The following ARHGAP45 variants were observed in gnomAD, a reference collection of about 807,000 sequenced individuals.
The protein encoded by ARHGAP45 is Rho GTPase activating protein 45.
Under a neutral mutation model 116.1 loss-of-function variants are expected in ARHGAP45, and 56 were observed. That is an observed-to-expected ratio of 0.48 (90% confidence interval 0.39 to 0.60). The LOEUF (loss-of-function observed/expected upper bound fraction) is 0.60. ARHGAP45 is among the 20% of genes least tolerant of loss of function. The pLI, the probability that ARHGAP45 is intolerant of heterozygous loss-of-function variation, is 0.00. For missense variants in ARHGAP45, 1,622 were observed against 1,601.0 expected, an observed-to-expected ratio of 1.01 and a Z score of -0.22; for synonymous variants, 866 against 701.7, an observed-to-expected ratio of 1.23 and a Z score of -3.70.
Position 1,081,880 on chromosome 19 carries a change from C to T in ARHGAP45, c.2436C>T (p.Phe812=), listed in dbSNP as rs772881860. The stretch of plus-strand genomic sequence containing the variant: ...GCGTGGAGAAGCTGTGCCAGGCCTT[C>T]GAGAACGGCAAGGAGCTGGTCGAGC... The part of the protein sequence containing the change: ...KTRVEKLCQA[F]ENGKELVELS... The change falls in exon 19 of 23, where the codon TTC becomes TTT. Residue 812 remains phenylalanine, a synonymous_variant. Coordinates refer to ENST00000313093, the MANE Select transcript of ARHGAP45 (RefSeq NM_012292.5). 7 of 1,613,136 alleles carry T rather than the reference C, an allele frequency of 4.3e-6. No individual in the cohort carries two copies. Among genetic ancestry groups the T allele is most frequent in the South Asian group, 1.1e-5 (1 of 91,050 alleles).
intron 10 of ARHGAP45, 144 bp downstream of exon 10, chr19:1,075,023 G>A (rs2043214950): frequency 8.1e-6 from 4 of 494,472 alleles, no homozygotes; most frequent in African/African-American, 2.6e-5. Context: ...TCGCAGGCTG[G>A]GCCGCCCCCC....
In ARHGAP45 at chr19:1,071,306, G is replaced by T; in HGVS notation, c.422-1843G>T. 4 of 1,460,634 alleles carry T rather than the reference G, an allele frequency of 2.7e-6. No individual in the cohort carries two copies. The highest frequency in any genetic ancestry group is 3.6e-6 in the Non-Finnish European group (4 of 1,112,634). The allele number at this position is 1,460,634 out of a possible 1,614,324, so 90.5% of individuals were successfully genotyped here. ...GCTGCGCCATGTGTATCTGCGGGAC[G>T]GCGCACCCGGTGCTGGACGAGGGCC... On this transcript the variant is annotated intron_variant, in intron 2 of 22. Coordinates refer to ENST00000313093, the MANE Select transcript of ARHGAP45 (RefSeq NM_012292.5). This position sits in a 1 kb window ranked among gnomAD's most constrained non-coding sequence, Gnocchi z 4.6.
intron 10 of ARHGAP45, 104 bp downstream of exon 10, chr19:1,074,983 C>T (rs1599757788): frequency 1.0e-6 from 1 of 959,756 alleles, no homozygotes; most frequent in Non-Finnish European, 1.4e-6. Flanking sequence ...GAGCTCCGCA[C>T]ACGCCCCGGC....
intron 11 of ARHGAP45, among the ~76,000 whole-genome samples, chr19:1,079,044 G>C (rs1304081727): frequency 6.6e-6 from 1 of 151,992 alleles, no homozygotes; most frequent in Admixed American, 6.6e-5. Flanking sequence ...GCTGGGCGTA[G>C]TGGTGGGCGC....
chr19:1,077,490 T>C, intron 10 of ARHGAP45: 1 of 997,082 alleles, frequency 1.0e-6, no homozygotes, highest in African/African-American at 1.7e-5. Flanking sequence ...TGTTCGCGAT[T>C]CTAGTGCCTC....
intron 10 of ARHGAP45, among the ~76,000 whole-genome samples, chr19:1,075,662 G>A (rs886883438): frequency 3.3e-5 from 5 of 152,252 alleles, no homozygotes; most frequent in African/African-American, 1.2e-4. Context: ...CACCCAGGCT[G>A]GACTGCAGTG....
In ARHGAP45 at chr19:1,068,197, G is replaced by A. The variant is rs928250435; in HGVS notation, c.91-217G>A. ...AGGCCCCGCCCCGGCTGTGGTTTGG[G>A]CAAGGACCGTTGTTTGTGAAAGCTC... is the stretch of plus-strand genomic sequence containing the variant. On this transcript the variant is annotated intron_variant, in intron 1 of 22. Transcript: ENST00000313093. The surrounding 1 kb of genome is among the most constrained non-coding windows in gnomAD (Gnocchi z 7.5). 5 of 551,360 alleles carry A rather than the reference G, an allele frequency of 9.1e-6. No individual in the cohort carries two copies. Among genetic ancestry groups the A allele is most frequent in the African/African-American group, 7.9e-5 (4 of 50,396 alleles). The allele number at this position is 551,360 out of a possible 1,614,324, so 34.2% of individuals were successfully genotyped here. A position where few individuals can be genotyped will look rare whatever the true frequency, so the allele number is the denominator to read the frequency against.
chr19:1,067,513 G>C lies in ARHGAP45; in HGVS notation c.90+18G>C, dbSNP rs2043059681. 3 of 1,580,608 alleles carry C rather than the reference G, an allele frequency of 1.9e-6. No homozygotes were observed. The highest frequency in any genetic ancestry group is 2.6e-6 in the Non-Finnish European group (3 of 1,163,702). ...CCTCGGGGGTGAGTGGAGCCCGGGT[G>C]AGACCCGGAGCTGACGCCGGGCCGC... is the stretch of plus-strand genomic sequence containing the variant. On this transcript the variant is annotated intron_variant, in intron 1 of 22. Coordinates refer to ENST00000313093, the MANE Select transcript of ARHGAP45 (RefSeq NM_012292.5).
In ARHGAP45 at chr19:1,069,629, C is replaced by T. The variant is rs2043101739; in HGVS notation, c.421+885C>T. Reference sequence around the variant, plus strand: ...GGGCACTAGTTGGGGAAGGCCCGGTCCCCACTGGGAGGAGTGGGAGCCCCC... The same window carrying T: ...GGGCACTAGTTGGGGAAGGCCCGGTTCCCACTGGGAGGAGTGGGAGCCCCC... On this transcript the variant is annotated intron_variant, in intron 2 of 22. Coordinates refer to ENST00000313093, the MANE Select transcript of ARHGAP45 (RefSeq NM_012292.5). This position sits in a 1 kb window ranked among gnomAD's most constrained non-coding sequence, Gnocchi z 4.1. 6.6e-6 allele frequency among the ~76,000 whole-genome samples: 1 copy of T among 152,268 alleles called. No homozygotes were observed. The highest frequency in any genetic ancestry group is 1.9e-4 in the East Asian group (1 of 5,176).
Position 1,071,436 on chromosome 19 carries a change from T to C in ARHGAP45, c.422-1713T>C. 4 of 1,053,182 alleles carry C rather than the reference T, an allele frequency of 3.8e-6. No individual in the cohort carries two copies. Among genetic ancestry groups the C allele is most frequent in the Non-Finnish European group, 4.6e-6 (4 of 866,754 alleles). 65.2% of individuals were successfully genotyped at this position (1,053,182 alleles called of 1,614,324 possible). The stretch of plus-strand genomic sequence containing the variant: ...CGCTCGGGCCGTTTGCCGCCCGCGG[T>C]GGGGGAGCAGCGGCTGCCGCGCGCC... On this transcript the variant is annotated intron_variant, in intron 2 of 22. Transcript: ENST00000313093. The surrounding 1 kb of genome is among the most constrained non-coding windows in gnomAD (Gnocchi z 4.6).
intron 2 of ARHGAP45, among the ~76,000 whole-genome samples, chr19:1,072,640 G>GATAA (rs1197568146): frequency 6.6e-6 from 1 of 152,200 alleles, no homozygotes; most frequent in Non-Finnish European, 1.5e-5. Flanking sequence ...TTGCCCTGGA[G>GATAA]ATAAAGCCAG....
At chr19:1,077,660 A>G (rs2043289622) in intron 10 of ARHGAP45, 197 bp from the exon 11 acceptor site, 3 of 1,450,024 alleles carry the variant, frequency 2.1e-6, no homozygotes, top group East Asian at 2.5e-5. Context: ...TGCTGGGATT[A>G]CAGACGTGAG....
intron 17 of ARHGAP45, 135 bp downstream of exon 17, chr19:1,081,199 C>T (rs994518731): frequency 2.3e-5 from 24 of 1,027,478 alleles, no homozygotes; most frequent in South Asian, 1.8e-4. Context: ...AGGAAGCGAA[C>T]GGAGGGGGTG....
Position 1,083,296 on chromosome 19 carries a change from C to T in ARHGAP45, c.2898C>T (p.Leu966=), listed in dbSNP as rs1316073322. 8 of 1,582,312 alleles carry T rather than the reference C, an allele frequency of 5.1e-6. No individual in the cohort carries two copies. The highest frequency in any genetic ancestry group is 1.3e-5 in the African/African-American group (1 of 74,190). ...YPHQARVIET[L]IVHYGLVFEE... ...ATCAGGCCCGCGTCATCGAGACTCTCATCGTCCACTACGGCCTGGTCTTCG... is the reference window on the plus strand; with the variant it reads ...ATCAGGCCCGCGTCATCGAGACTCTTATCGTCCACTACGGCCTGGTCTTCG... Residue 966 remains leucine (L), a synonymous_variant, in exon 21 of 23, where the codon CTC becomes CTT. Transcript: ENST00000313093.
intron 8 of ARHGAP45, 89 bp from the exon 9 acceptor site, chr19:1,074,525 T>C: frequency 2.1e-6 from 3 of 1,407,136 alleles, no homozygotes; most frequent in Non-Finnish European, 2.9e-6. Context: ...CGGGGGTGGC[T>C]GCAGGGACCA....
chr19:1,082,023 C>G (rs961739894), intron 19 of ARHGAP45, 62 bp downstream of exon 19: 3 of 1,147,450 alleles, frequency 2.6e-6, no homozygotes, highest in South Asian at 3.4e-5. Flanking sequence ...CAGGAGGAGG[C>G]GGGGTGGGGG....
At chr19:1,073,411 C>A in intron 3 of ARHGAP45, 95 bp from the exon 4 acceptor site, 2 of 1,551,900 alleles carry the variant, frequency 1.3e-6, no homozygotes, top group African/African-American at 2.7e-5. Context: ...AAGCTCCCTC[C>A]TGTTCCCCCT....
intron 10 of ARHGAP45, among the ~76,000 whole-genome samples, 155 bp downstream of exon 10, chr19:1,075,034 CCA>C (rs756666733): frequency 1.4e-3 from 196 of 137,152 alleles, no homozygotes; most frequent in Middle Eastern, 4.2e-3. Context: ...GCCGCCCCCC[CCA>C]ACGCCAAGCC....
rs1041728864 is a variant in ARHGAP45, at chr19:1,081,052, T to G, written c.2178T>G (p.Ala726=). The change falls in exon 17 of 23, where the codon GCT becomes GCG. Residue 726 remains alanine, a synonymous_variant. Transcript: ENST00000313093. The stretch of plus-strand genomic sequence containing the variant: ...ACAGCTACGTCTACTTCCAGGGTGC[T>G]GAGTGTGAAGAGGTGAGTGGGACGC... ...ECNSYVYFQG[A]ECEECCLACH... The G allele has an allele frequency of 1.7e-5, 27 of 1,607,100 alleles. No individual in the cohort carries two copies. The highest frequency in any genetic ancestry group is 2.2e-5 in the Non-Finnish European group (26 of 1,178,002).
Sources: allele counts gnomAD v4.1 joint callset (sites outside exome capture counted in the v4.1 genomes callset), GRCh38; gene constraint gnomAD v4.1.1; non-coding constraint Gnocchi (gnomAD v3.1); transcripts MANE v1.5; gene names NCBI Gene and HGNC (gene_info 2026-07-23, HGNC 2026-07-21).